Variants in ZMYM5 observed in about 807,000 individuals in gnomAD.
ZMYM5 encodes zinc finger MYM-type protein 5.
ZMYM5 carries 41 observed loss-of-function variants against 61.8 expected under a neutral mutation model. The ratio of observed to expected loss-of-function variants is 0.66; its 90% confidence interval spans 0.52 to 0.86. The LOEUF is 0.86. Ranked by LOEUF, ZMYM5 falls within the 40% of genes least tolerant of loss-of-function variation. ZMYM5 has a pLI of 0.00. For missense variants in ZMYM5, 706 were observed against 786.7 expected (o/e 0.90, Z 1.23); for synonymous variants, 257 against 276.4 (o/e 0.93, Z 0.70).
At chr13:19,837,600 A>C in intron 6 of ZMYM5, 56 bp downstream of exon 6, 1 of 1,605,296 alleles carries the variant, frequency 6.2e-7, no homozygotes, top group South Asian at 1.1e-5. Context: ...ATAGCACTTA[A>C]AAGTTAAAAT....
At chr13:19,862,728 G>T (rs1953817434) in intron 1 of ZMYM5, among the ~76,000 whole-genome samples, 1 of 152,252 alleles carries the variant, frequency 6.6e-6, no homozygotes, top group South Asian at 2.1e-4. Flanking sequence ...TCCCAGGACG[G>T]GAGAGGGAAG....
intron 4 of ZMYM5, among the ~76,000 whole-genome samples, chr13:19,844,402 C>A (rs538872300): frequency 6.6e-6 from 1 of 152,238 alleles, no homozygotes; most frequent in East Asian, 1.9e-4. Flanking sequence ...TTAACACAAC[C>A]TAGAGATTGC....
At chr13:19,846,351 A>G (rs1260070136) in intron 4 of ZMYM5, among the ~76,000 whole-genome samples, 1 of 152,172 alleles carries the variant, frequency 6.6e-6, no homozygotes, top group African/African-American at 2.4e-5. Context: ...TTTTCATGGA[A>G]TACCATTTTT....
rs1416622741 is a variant in ZMYM5 at position 19,824,406 on chromosome 13, C to T, written c.*71G>A. 1 of 1,220,938 alleles carries T rather than the reference C, an allele frequency of 8.2e-7. No homozygotes were observed. The highest frequency in any genetic ancestry group is 1.0e-6 in the Non-Finnish European group (1 of 957,778). The allele number at this position is 1,220,938 out of a possible 1,614,324, so 75.6% of individuals were successfully genotyped here. On this transcript the variant is annotated 3_prime_UTR_variant, in exon 8 of 8. Coordinates refer to ENST00000337963, the MANE Select transcript of ZMYM5 (RefSeq NM_001142684.2). ...GAGACTTACAACACAATAGTACTGA[C>T]TATTGCAGGACAGATGTTTTCTGAG...
At chr13:19,845,744 T>A (rs892378678) in intron 4 of ZMYM5, among the ~76,000 whole-genome samples, 4 of 152,154 alleles carry the variant, frequency 2.6e-5, no homozygotes, top group African/African-American at 9.7e-5. Flanking sequence ...TAAGGCAAGG[T>A]CTGGGAGGGT....
At chr13:19,838,301 C>T (rs1364657311) in intron 5 of ZMYM5, among the ~76,000 whole-genome samples, 1 of 152,170 alleles carries the variant, frequency 6.6e-6, no homozygotes, top group Non-Finnish European at 1.5e-5. Flanking sequence ...TCGCTTGAAC[C>T]TGGGAGGTGG....
intron 4 of ZMYM5, among the ~76,000 whole-genome samples, chr13:19,849,498 T>C (rs1287827978): frequency 6.6e-6 from 1 of 152,126 alleles, no homozygotes; most frequent in Non-Finnish European, 1.5e-5. Context: ...ATATAAAAAG[T>C]GCTCTAAATT....
chr13:19,850,688 T>A (rs1035869838), intron 4 of ZMYM5, among the ~76,000 whole-genome samples: 1 of 152,114 alleles, frequency 6.6e-6, no homozygotes, highest in Non-Finnish European at 1.5e-5. Flanking sequence ...ATTGAAATTT[T>A]AAATAATTAT....
At chr13:19,854,001 T>TC (rs1483369041) in intron 2 of ZMYM5, among the ~76,000 whole-genome samples, 1 of 152,204 alleles carries the variant, frequency 6.6e-6, no homozygotes, top group East Asian at 1.9e-4. Flanking sequence ...ATTTTAAACA[T>TC]CTCATATTGA....
At chr13:19,837,364 C>T in intron 6 of ZMYM5, 1 of 1,321,328 alleles carries the variant, frequency 7.6e-7, no homozygotes, top group Non-Finnish European at 9.8e-7. Flanking sequence ...CTTGAGACTA[C>T]ATTTTTATTT....
At chr13:19,839,128 A>G in intron 4 of ZMYM5, 143 bp from the exon 5 acceptor site, 3 of 876,852 alleles carry the variant, frequency 3.4e-6, no homozygotes, top group South Asian at 3.5e-5. Flanking sequence ...CTTGATGCAC[A>G]ATCCCAGGGG....
At chr13:19,830,941 G>A (rs1017008977) in intron 7 of ZMYM5, among the ~76,000 whole-genome samples, 7 of 149,356 alleles carry the variant, frequency 4.7e-5, no homozygotes, top group African/African-American at 9.9e-5. Context: ...CCAAGTTCTC[G>A]CCATTCTCCT....
intron 4 of ZMYM5, among the ~76,000 whole-genome samples, chr13:19,840,449 C>T (rs1338040109): frequency 6.6e-6 from 1 of 152,224 alleles, no homozygotes; most frequent in African/African-American, 2.4e-5. Context: ...TCACAGCTTA[C>T]TGCAGCCTTG....
Position 19,831,958 on chromosome 13 carries a change from C to T in ZMYM5, c.1251+3519G>A, listed in dbSNP as rs1053595814. On this transcript the variant is annotated intron_variant, in intron 7 of 7. Transcript: ENST00000337963. ...GCAACCTCCGCCTCCCAGGTTCAAG[C>T]GATTCTCTTGCCTCAGCCTCCTGAG... 1.2e-4 allele frequency among the ~76,000 whole-genome samples: 17 copies of T among 146,952 alleles called. No homozygotes were observed. The East Asian group carries it at 1.7e-3, about 15-fold the overall frequency.
At chr13:19,859,431 C>T (rs1953641973) in intron 2 of ZMYM5, among the ~76,000 whole-genome samples, 1 of 152,114 alleles carries the variant, frequency 6.6e-6, no homozygotes, top group African/African-American at 2.4e-5. Flanking sequence ...GAGACGGAGT[C>T]TCGCTCTGTC....
chr13:19,842,664 A>C (rs1952917562), intron 4 of ZMYM5, among the ~76,000 whole-genome samples: 1 of 151,722 alleles, frequency 6.6e-6, no homozygotes, highest in Non-Finnish European at 1.5e-5. Context: ...TTAAAAAAAA[A>C]AAAAAGGTTT....
chr13:19,835,797 T>C (rs2059506476), intron 6 of ZMYM5, 108 bp from the exon 7 acceptor site: 2 of 768,836 alleles, frequency 2.6e-6, no homozygotes, highest in South Asian at 3.3e-5. Context: ...CCTAATCATA[T>C]CTCAGAGGAA....
chr13:19,824,968 T>G lies in ZMYM5; in HGVS notation c.1519A>C (p.Lys507Gln). Reference sequence around the variant, plus strand: ...GGTACAATGGAGTCTTCAAAATTTTTCTCTTCCAGTTGCTCTTGAAATGTA... The same window carrying G: ...GGTACAATGGAGTCTTCAAAATTTTGCTCTTCCAGTTGCTCTTGAAATGTA... ...ADTFQEQLEEKNFEDSIVPVV... is the reference protein window; with the variant it reads ...ADTFQEQLEEQNFEDSIVPVV... The change falls in exon 8 of 8, where the codon AAA becomes CAA. Residue 507 changes from lysine to glutamine, a missense_variant. Lys to Gln is a moderately conservative substitution (Grantham distance 53). Transcript: ENST00000337963. The G allele has an allele frequency of 2.9e-6, 4 of 1,366,368 alleles. No homozygotes were observed. Among genetic ancestry groups the G allele is most frequent in the Non-Finnish European group, 3.9e-6 (4 of 1,021,256 alleles). 84.6% of individuals were successfully genotyped at this position (1,366,368 alleles called of 1,614,324 possible).
chr13:19,847,803 A>ATTTTTTTTTTTTT (rs34176871), intron 4 of ZMYM5, among the ~76,000 whole-genome samples: 133 of 79,870 alleles, frequency 1.7e-3, no homozygotes, highest in Non-Finnish European at 2.0e-3. Flanking sequence ...TGCCCGGCTA[A>ATTTTTTTTTTTTT]TTTTTTTTTT....
Sources: gnomAD v4.1 joint callset for allele counts (sites outside exome capture counted in the v4.1 genomes callset) on GRCh38, gnomAD v4.1.1 for gene constraint, MANE v1.5 for transcripts, NCBI Gene and HGNC (gene_info 2026-07-23, HGNC 2026-07-21) for gene names.